The following BMPR1B variants were observed in gnomAD, a reference collection of about 807,000 sequenced individuals.
BMPR1B encodes the protein bone morphogenetic protein receptor type 1B, also known as bone morphogenetic protein receptor type-1B.
Under a neutral mutation model 59.1 loss-of-function variants are expected in BMPR1B, and 12 were observed. The ratio of observed to expected loss-of-function variants is 0.20; its 90% CI spans 0.13 to 0.33. BMPR1B has a LOEUF of 0.33. BMPR1B is among the 10% of genes least tolerant of loss of function. The pLI is 1.00. For synonymous variants in BMPR1B, 237 were observed against 207.3 expected (o/e 1.14, Z -1.23); for missense variants, 550 against 610.9 (o/e 0.90, Z 1.05).
chr4:94,844,300 C>T (rs936319991), intron 1 of BMPR1B, among the ~76,000 whole-genome samples: 7 of 151,078 alleles, frequency 4.6e-5, no homozygotes, highest in Admixed American at 1.3e-4. Context: ...CTTGCTCTTT[C>T]TGTGCCCAGC....
At chr4:94,916,277 CAGA>C (rs1728480497) in intron 2 of BMPR1B, among the ~76,000 whole-genome samples, 1 of 152,070 alleles carries the variant, frequency 6.6e-6, no homozygotes, top group African/African-American at 2.4e-5. Flanking sequence ...TTGGAGGACT[CAGA>C]AGAAGATAGG....
intron 3 of BMPR1B, among the ~76,000 whole-genome samples, chr4:95,087,219 GGT>G (rs1413123546): frequency 6.6e-6 from 1 of 151,830 alleles, no homozygotes; most frequent in African/African-American, 2.4e-5. Context: ...GTGGAGACAG[GGT>G]TTGGCCATGT....
rs1553933769 is a variant in BMPR1B at position 95,071,648 on chromosome 4, G to GTATATATATA, written c.-17-32759_-17-32758insATATATATAT. Among the ~76,000 whole-genome samples, 230 of 104,688 alleles carry GTATATATATA rather than the reference G, an allele frequency of 2.2e-3. 1 individual carries two copies. The highest frequency in any genetic ancestry group is 8.2e-3 in the African/African-American group (206 of 25,100). The allele number at this position is 104,688 out of a possible 152,430, so 68.7% of individuals were successfully genotyped here. On this transcript the variant is annotated intron_variant, in intron 3 of 12. Transcript: ENST00000515059. ...TATGTGTGTTTGTGTGTGTGTGTGT[G>GTATATATATA]TGTGTATATATATATATATATATAT... is the stretch of plus-strand genomic sequence containing the variant.
intron 1 of BMPR1B, among the ~76,000 whole-genome samples, chr4:94,810,681 C>T (rs778221812): frequency 6.6e-5 from 10 of 152,174 alleles, no homozygotes; most frequent in Admixed American, 1.3e-4. Context: ...ATATTTAAGT[C>T]TTTTCTGCTA....
Position 95,108,786 on chromosome 4 carries a change from CT to C in BMPR1B, c.143+4220del, listed in dbSNP as rs1731390597. On this transcript the variant is annotated intron_variant, in intron 4 of 12. Transcript: ENST00000515059. ...GTAAGGGGTAAAGCCATTGTCCTCT[CT>C]CCCTCGAGATACCATCTGTTTTCTA... 3.3e-5 allele frequency among the ~76,000 whole-genome samples: 5 copies of C among 152,210 alleles called. No homozygotes were observed. The East Asian group carries it at 5.8e-4, about 18-fold the overall frequency.
chr4:94,951,195 A>G (rs1013611880), intron 2 of BMPR1B, among the ~76,000 whole-genome samples: 3 of 152,212 alleles, frequency 2.0e-5, no homozygotes, highest in Admixed American at 6.5e-5. Flanking sequence ...GGTTTTCTAA[A>G]TATACAATCA....
At chr4:95,040,177 T>C (rs1409364536) in intron 3 of BMPR1B, among the ~76,000 whole-genome samples, 2 of 152,206 alleles carry the variant, frequency 1.3e-5, no homozygotes, top group Non-Finnish European at 2.9e-5. Context: ...AAGACACTTT[T>C]TTCATATGTA....
rs184996705 is a variant in BMPR1B, at chr4:94,951,412, T to C, written c.-112-44628T>C. Among the ~76,000 whole-genome samples, 522 of 152,316 alleles carry C rather than the reference T, an allele frequency of 3.4e-3. 1 individual carries two copies. The highest frequency in any genetic ancestry group is 0.012 in the African/African-American group (497 of 41,568). ...CAGTATGATATTGGCTGTGAGGTTG[T>C]CACAAATAGCTCTTATTATTTTGAG... On this transcript the variant is annotated intron_variant, in intron 2 of 12. Transcript: ENST00000515059.
At chr4:94,780,326 C>T (rs1722541127) in intron 1 of BMPR1B, among the ~76,000 whole-genome samples, 1 of 152,140 alleles carries the variant, frequency 6.6e-6, no homozygotes, top group South Asian at 2.1e-4. Flanking sequence ...TTTCGAGGTT[C>T]ATCCATATTG....
chr4:95,080,694 G>A (rs955568681), intron 3 of BMPR1B, among the ~76,000 whole-genome samples: 2 of 152,128 alleles, frequency 1.3e-5, no homozygotes, highest in Non-Finnish European at 2.9e-5. Context: ...ACAAATCGAA[G>A]CAGGAACCAA....
intron 2 of BMPR1B, among the ~76,000 whole-genome samples, chr4:94,933,782 A>G (rs1203837585): frequency 6.6e-6 from 1 of 152,114 alleles, no homozygotes; most frequent in African/African-American, 2.4e-5. Flanking sequence ...TCAACACCCA[A>G]TTATTACGTG....
intron 2 of BMPR1B, among the ~76,000 whole-genome samples, chr4:94,893,687 G>A (rs1727482339): frequency 6.6e-6 from 1 of 151,928 alleles, no homozygotes; most frequent in South Asian, 2.1e-4. Flanking sequence ...CACATGACTT[G>A]AGGTGAAATT....
chr4:94,987,393 CTT>C (rs1397445909), intron 2 of BMPR1B, among the ~76,000 whole-genome samples: 2 of 151,574 alleles, frequency 1.3e-5, no homozygotes, highest in East Asian at 1.9e-4. Context: ...AATTTTCAGA[CTT>C]AATCCACATT....
intron 2 of BMPR1B, among the ~76,000 whole-genome samples, chr4:94,889,516 T>G (rs1348948823): frequency 6.6e-6 from 1 of 152,136 alleles, no homozygotes; most frequent in African/African-American, 2.4e-5. Context: ...TAATTCTTTC[T>G]CAAAAGGTGT....
At chr4:94,928,544 A>C (rs750576894) in intron 2 of BMPR1B, among the ~76,000 whole-genome samples, 1 of 149,946 alleles carries the variant, frequency 6.7e-6, no homozygotes, top group Admixed American at 6.7e-5. Flanking sequence ...CCCTCCTCCT[A>C]TGTTGTCATG....
At chr4:94,965,310 A>G (rs1035535224) in intron 2 of BMPR1B, among the ~76,000 whole-genome samples, 5 of 152,042 alleles carry the variant, frequency 3.3e-5, no homozygotes, top group African/African-American at 1.2e-4. Context: ...CAGAGTTCTC[A>G]TCTCATATTT....
chr4:94,925,538 G>T (rs1007742828), intron 2 of BMPR1B, among the ~76,000 whole-genome samples: 1 of 152,076 alleles, frequency 6.6e-6, no homozygotes, highest in African/African-American at 2.4e-5. Flanking sequence ...TAAAATTTGT[G>T]ACTTTCACAA....
chr4:95,069,447 C>T (rs774808270), intron 3 of BMPR1B, among the ~76,000 whole-genome samples: 13 of 152,170 alleles, frequency 8.5e-5, no homozygotes, highest in African/African-American at 3.1e-4. Flanking sequence ...GGCTCTTGCT[C>T]GACACTCCTG....
chr4:95,137,717 T>G (rs550551419), intron 10 of BMPR1B, among the ~76,000 whole-genome samples: 40 of 152,350 alleles, frequency 2.6e-4, no homozygotes, highest in African/African-American at 9.4e-4. Context: ...TATCAAAAAC[T>G]AGTATTGCAA....
Sources: gnomAD v4.1 joint callset for allele counts (sites outside exome capture counted in the v4.1 genomes callset) on GRCh38, gnomAD v4.1.1 for gene constraint, MANE v1.5 for transcripts, NCBI Gene and HGNC (gene_info 2026-07-23, HGNC 2026-07-21) for gene names.